Variants in CHRM3 observed in about 807,000 individuals in gnomAD.
CHRM3 encodes muscarinic acetylcholine receptor M3.
CHRM3 carries 11 observed loss-of-function variants against 41.8 expected under a neutral mutation model. The observed-to-expected ratio is 0.26, with a 90% CI of 0.17 to 0.44. The LOEUF (loss-of-function observed/expected upper bound fraction) is 0.44, where lower values mean the gene tolerates loss of function less well. Among genes scored for constraint, CHRM3 ranks in the 20% least tolerant of loss-of-function variants. The pLI, the probability that CHRM3 is intolerant of heterozygous loss-of-function variation, is 1.00. For synonymous variants in CHRM3, 297 were observed against 301.4 expected (o/e 0.99, Z 0.15); for missense variants, 571 against 745.4 (o/e 0.77, Z 2.72).
At chr1:239,591,123 A>G (rs889869911) in intron 3 of CHRM3, among the ~76,000 whole-genome samples, 3 of 152,196 alleles carry the variant, frequency 2.0e-5, no homozygotes, top group African/African-American at 4.8e-5. Context: ...ACATTCAAAT[A>G]TTTATCTCTA....
chr1:239,463,126 G>A (rs1171127525), intron 1 of CHRM3, among the ~76,000 whole-genome samples: 4 of 152,186 alleles, frequency 2.6e-5, no homozygotes, highest in African/African-American at 9.7e-5. Flanking sequence ...TAATGGTTTT[G>A]AGGATGAGAT....
At chr1:239,764,156 T>C (rs1271934709) in intron 5 of CHRM3, among the ~76,000 whole-genome samples, 1 of 152,162 alleles carries the variant, frequency 6.6e-6, no homozygotes, top group Admixed American at 6.5e-5. Flanking sequence ...TTCCAACTTT[T>C]ACCCCATTGT....
At chr1:239,716,049 T>C (rs984221329) in intron 5 of CHRM3, among the ~76,000 whole-genome samples, 1 of 152,016 alleles carries the variant, frequency 6.6e-6, no homozygotes, top group African/African-American at 2.4e-5. Flanking sequence ...AATAATTGCA[T>C]TGATCTTGGG....
Position 239,464,542 on chromosome 1 carries a change from A to G in CHRM3, c.-520-28167A>G, listed in dbSNP as rs144123065. ...ATAAACAACCTTACTCTGCTGCCAT[A>G]TAAGCATACTTGAAGTTTGGTGTTT... is the stretch of plus-strand genomic sequence containing the variant. On this transcript the variant is annotated intron_variant, in intron 1 of 6. Coordinates refer to ENST00000676153, the MANE Select transcript of CHRM3 (RefSeq NM_001375978.1). Among the ~76,000 whole-genome samples the G allele has an allele frequency of 1.1e-4, 16 of 152,254 alleles. No individual in the cohort carries two copies. In the East Asian group the frequency reaches 2.7e-3, roughly 26 times the overall value.
At chr1:239,585,125 A>ATG (rs960356782) in intron 3 of CHRM3, among the ~76,000 whole-genome samples, 1 of 151,532 alleles carries the variant, frequency 6.6e-6, no homozygotes, top group Non-Finnish European at 1.5e-5. Flanking sequence ...ATATACATAT[A>ATG]TGTGTATATA....
intron 5 of CHRM3, among the ~76,000 whole-genome samples, chr1:239,688,713 A>G (rs527882717): frequency 1.5e-5 from 2 of 133,978 alleles, no homozygotes; most frequent in African/African-American, 5.7e-5. Flanking sequence ...TATATAATAC[A>G]TTATTCAATA....
chr1:239,808,283 C>T (rs12077533), intron 5 of CHRM3, among the ~76,000 whole-genome samples: 2 of 152,042 alleles, frequency 1.3e-5, no homozygotes, highest in African/African-American at 4.8e-5. Context: ...TCGTATGTGA[C>T]CTTCAGGCAG....
At chr1:239,728,761 A>C (rs1394221452) in intron 5 of CHRM3, among the ~76,000 whole-genome samples, 2 of 151,978 alleles carry the variant, frequency 1.3e-5, no homozygotes, top group Admixed American at 1.3e-4. Flanking sequence ...TTTGTCAAAG[A>C]GTCTCCATTG....
In CHRM3 at chr1:239,909,927, A is replaced by G. The variant is rs1397082535; in HGVS notation, c.*703A>G. 6.0e-6 allele frequency: 1 copy of G among 167,080 alleles called. No individual in the cohort carries two copies. 10.3% of individuals were successfully genotyped at this position (167,080 alleles called of 1,614,324 possible). ...TGAACTGGCAAATTATTCCTGCAACATACGCTTTCAGTACTTTGGTAACTG... is the reference window on the plus strand; with the variant it reads ...TGAACTGGCAAATTATTCCTGCAACGTACGCTTTCAGTACTTTGGTAACTG... On this transcript the variant is annotated 3_prime_UTR_variant, in exon 7 of 7. Transcript: ENST00000676153.
chr1:239,863,398 C>A (rs1419537695), intron 6 of CHRM3, among the ~76,000 whole-genome samples: 1 of 152,178 alleles, frequency 6.6e-6, no homozygotes, highest in Non-Finnish European at 1.5e-5. Context: ...TCTGCTCCAT[C>A]GGTGTGGGCA....
At chr1:239,845,275 A>G (rs948420885) in intron 6 of CHRM3, among the ~76,000 whole-genome samples, 21 of 152,196 alleles carry the variant, frequency 1.4e-4, no homozygotes, top group African/African-American at 5.1e-4. Context: ...TCATGAGCCA[A>G]ATTAGGATCT....
At chr1:239,425,863 A>G (rs969865266) in intron 1 of CHRM3, among the ~76,000 whole-genome samples, 4 of 152,198 alleles carry the variant, frequency 2.6e-5, no homozygotes, top group Non-Finnish European at 5.9e-5. Context: ...TAATTTAGTT[A>G]ACCTAACCTT....
chr1:239,775,525 T>G (rs997171430), intron 5 of CHRM3, among the ~76,000 whole-genome samples: 4 of 152,238 alleles, frequency 2.6e-5, no homozygotes, highest in South Asian at 4.1e-4. Flanking sequence ...AGCTTTAATT[T>G]GTACTCTAAG....
At chr1:239,530,348 A>C (rs1454766185) in intron 2 of CHRM3, among the ~76,000 whole-genome samples, 1 of 152,204 alleles carries the variant, frequency 6.6e-6, no homozygotes, top group African/African-American at 2.4e-5. Context: ...CTAATATGAT[A>C]TATTTTTAAC....
intron 6 of CHRM3, among the ~76,000 whole-genome samples, chr1:239,842,577 G>A (rs1673907254): frequency 6.6e-6 from 1 of 152,140 alleles, no homozygotes; most frequent in South Asian, 2.1e-4. Context: ...ACCTAAAGTG[G>A]AAAAGAAAAG....
At position 239,871,390 on chromosome 1, in the gene CHRM3, C is replaced by G. The variant is rs546869210; in HGVS notation, c.-19-36043C>G. ...CTGAGTAGCTGGGACTACAGGCATG[C>G]GCCAGCATGCCCAGCTAATTTTTGT... On this transcript the variant is annotated intron_variant, in intron 6 of 6. Coordinates refer to ENST00000676153, the MANE Select transcript of CHRM3 (RefSeq NM_001375978.1). Among the ~76,000 whole-genome samples, 3 of 152,054 alleles carry G rather than the reference C, an allele frequency of 2.0e-5. No homozygotes were observed. In the South Asian group the frequency reaches 6.2e-4, roughly 32 times the overall value.
intron 5 of CHRM3, among the ~76,000 whole-genome samples, chr1:239,799,229 A>G (rs778905283): frequency 6.6e-6 from 1 of 152,224 alleles, no homozygotes; most frequent in Non-Finnish European, 1.5e-5. Flanking sequence ...GGTCATGGGT[A>G]GACTTAGAGA....
chr1:239,428,127 C>G (rs1662540663), intron 1 of CHRM3, among the ~76,000 whole-genome samples: 1 of 152,150 alleles, frequency 6.6e-6, no homozygotes, highest in African/African-American at 2.4e-5. Flanking sequence ...CAAGCACGTG[C>G]TCGAAAGAGA....
chr1:239,824,052 T>C (rs1349178305), intron 5 of CHRM3, among the ~76,000 whole-genome samples: 18 of 151,902 alleles, frequency 1.2e-4, no homozygotes, highest in Admixed American at 1.1e-3. Context: ...TGCGTGACCA[T>C]CTGCTACGGG....
Sources: gnomAD v4.1 joint callset for allele counts (sites outside exome capture counted in the v4.1 genomes callset) on GRCh38, gnomAD v4.1.1 for gene constraint, MANE v1.5 for transcripts, NCBI Gene and HGNC (gene_info 2026-07-23, HGNC 2026-07-21) for gene names.